Variants in SLC25A47 observed in about 807,000 individuals in gnomAD.
SLC25A47 encodes solute carrier family 25 member 47.
SLC25A47 carries 30 observed loss-of-function variants against 29.8 expected under a neutral mutation model. That is an observed-to-expected ratio of 1.01 (90% CI 0.75 to 1.36). The LOEUF is 1.36. SLC25A47 is among the 40% of genes most tolerant of loss of function. The pLI is 0.00. For synonymous variants in SLC25A47, 204 were observed against 197.8 expected (o/e 1.03, Z -0.26); for missense variants, 430 against 441.9 (o/e 0.97, Z 0.24).
rs1951519 is a variant in SLC25A47 at position 100,326,145 on chromosome 14, C to G, written c.73-12C>G. 12 of 1,611,198 alleles carry G rather than the reference C, an allele frequency of 7.4e-6. No individual in the cohort carries two copies. Among genetic ancestry groups the G allele is most frequent in the East Asian group, 6.7e-5 (3 of 44,820 alleles). On this transcript the variant is annotated splice_polypyrimidine_tract_variant and intron_variant, in intron 2 of 5. Coordinates refer to ENST00000361529, the MANE Select transcript of SLC25A47 (RefSeq NM_207117.4). ...TGGAGCCGCTCGTGCCTGAAGCCCA[C>G]TTCTCCTGCAGGTCAGGATCCAGAC...
Position 100,325,849 on chromosome 14 carries a change from C to A in SLC25A47, c.72+18C>A, listed in dbSNP as rs1164030789. 2 of 1,609,396 alleles carry A rather than the reference C, an allele frequency of 1.2e-6. No homozygotes were observed. Among genetic ancestry groups the A allele is most frequent in the South Asian group, 1.1e-5 (1 of 90,012 alleles). On this transcript the variant is annotated intron_variant, in intron 2 of 5. Transcript: ENST00000361529. ...CGGTGAAGGTGCGGCAATAGCCAGC[C>A]CCCCAACCATCCTAAGGCCCCTGCA...
At chr14:100,327,120 G>T in intron 3 of SLC25A47, 68 bp from the exon 4 acceptor site, 1 of 1,477,762 alleles carries the variant, frequency 6.8e-7, no homozygotes, top group Non-Finnish European at 9.1e-7. Context: ...GCAGGGCTGA[G>T]TGTGGGCTCC....
At position 100,327,333 on chromosome 14, in the gene SLC25A47, A is replaced by T. The variant is rs1893359642; in HGVS notation, c.290A>T (p.Asp97Val). The T allele has an allele frequency of 6.2e-7, 1 of 1,601,600 alleles. No homozygotes were observed. The highest frequency in any genetic ancestry group is 8.5e-7 in the Non-Finnish European group (1 of 1,179,650). Residue 97 changes from aspartate (D) to valine (V), a missense_variant, in exon 4 of 6, where the codon GAC (aspartate) becomes GTC (valine). By Grantham distance (152) the Asp-to-Val change is radical. Transcript: ENST00000361529. ...CCTGACGCCAAGCCCACCAAGGCCGACATCACGCTCTCGGGATGCGCCTCC... is the reference window on the plus strand; with the variant it reads ...CCTGACGCCAAGCCCACCAAGGCCGTCATCACGCTCTCGGGATGCGCCTCC... ...GNPDAKPTKA[D>V]ITLSGCASGL...
intron 3 of SLC25A47, 76 bp from the exon 4 acceptor site, chr14:100,327,112 A>G: frequency 7.1e-7 from 1 of 1,416,630 alleles, no homozygotes; most frequent in Non-Finnish European, 9.5e-7. Context: ...AGTGCGGAGC[A>G]GGGCTGAGTG....
At position 100,330,319 on chromosome 14, in the gene SLC25A47, T is replaced by TAA. The variant is rs907310778; in HGVS notation, c.*676_*677dup. ...GCCTGTGGACGCTGCACCTGCCACT[T>TAA]AAAGACCCCAAAGACTCTGTTGGGA... is the stretch of plus-strand genomic sequence containing the variant. On this transcript the variant is annotated 3_prime_UTR_variant, in exon 6 of 6. Coordinates refer to ENST00000361529, the MANE Select transcript of SLC25A47 (RefSeq NM_207117.4). 6.5e-6 allele frequency: 1 copy of TAA among 153,284 alleles called. No individual in the cohort carries two copies. The highest frequency in any genetic ancestry group is 1.5e-5 in the Non-Finnish European group (1 of 68,848). The allele number at this position is 153,284 out of a possible 1,614,324, so 9.5% of individuals were successfully genotyped here. A position where few individuals can be genotyped will look rare whatever the true frequency, so the allele number is the denominator to read the frequency against.
At chr14:100,326,791 T>C (rs1376347483) in intron 3 of SLC25A47, among the ~76,000 whole-genome samples, 2 of 152,172 alleles carry the variant, frequency 1.3e-5, no homozygotes, top group Non-Finnish European at 2.9e-5. Context: ...CTTGCCAACA[T>C]GGTGAAACCC....
Position 100,327,347 on chromosome 14 carries a change from G to C in SLC25A47, c.304G>C (p.Gly102Arg). Residue 102 changes from glycine to arginine, a missense_variant, in exon 4 of 6, where the codon GGA becomes CGA. Coordinates refer to ENST00000361529, the MANE Select transcript of SLC25A47 (RefSeq NM_207117.4). Reference protein sequence around the residue: ...KPTKADITLSGCASGLVRVFL... With the variant: ...KPTKADITLSRCASGLVRVFL... ...CACCAAGGCCGACATCACGCTCTCG[G>C]GATGCGCCTCCGGCCTCGTCCGCGT... 1 of 1,599,774 alleles carries C rather than the reference G, an allele frequency of 6.3e-7. No homozygotes were observed. The highest frequency in any genetic ancestry group is 8.5e-7 in the Non-Finnish European group (1 of 1,179,150).
At chr14:100,324,874 T>C (rs1595388196) in intron 1 of SLC25A47, among the ~76,000 whole-genome samples, 1 of 152,128 alleles carries the variant, frequency 6.6e-6, no homozygotes, top group Admixed American at 6.5e-5. Context: ...GAGGAGGTAG[T>C]GTCGTGGCAG....
chr14:100,326,316 C>A, intron 3 of SLC25A47, 88 bp downstream of exon 3: 1 of 1,218,826 alleles, frequency 8.2e-7, no homozygotes. Context: ...CCAGGCTCCC[C>A]GCTGGGTCTC....
In SLC25A47 at chr14:100,325,817, C is replaced by G. The variant is rs777931162; in HGVS notation, c.58C>G (p.Leu20Val). Residue 20 changes from leucine (L) to valine (V), a missense_variant, in exon 2 of 6, where the codon CTG becomes GTG. By Grantham distance (32) the Leu-to-Val change is conservative (BLOSUM62 1). Transcript: ENST00000361529. ...CTGCGGTGTTGCTGTGGGCTACCCC[C>G]TGGACACGGTGAAGGTGCGGCAATA... The part of the protein sequence containing the change: ...GVCGVAVGYP[L>V]DTVKVRIQTE... 1.1e-5 allele frequency: 17 copies of G among 1,612,694 alleles called. No homozygotes were observed. The highest frequency in any genetic ancestry group is 1.4e-5 in the Non-Finnish European group (16 of 1,179,320).
intron 1 of SLC25A47, among the ~76,000 whole-genome samples, chr14:100,324,133 G>A (rs1344530131): frequency 2.6e-5 from 4 of 152,144 alleles, no homozygotes; most frequent in South Asian, 2.1e-4. Flanking sequence ...GGTGGGTGGC[G>A]TCAGTACTTC....
At position 100,329,423 on chromosome 14, in the gene SLC25A47, C is replaced by A; in HGVS notation, c.705C>A (p.Ala235=). 6.2e-7 allele frequency: 1 copy of A among 1,613,108 alleles called. No individual in the cohort carries two copies. The highest frequency in any genetic ancestry group is 1.6e-4 in the Middle Eastern group (1 of 6,062). ...CAGGAGTCCTGGCCTGGGCTGTGGC[C>A]ACCCCCATGGACGTGATCAAGTCGA... ...GCAGVLAWAV[A]TPMDVIKSRL... Residue 235 remains alanine (A), a synonymous_variant, in exon 6 of 6, where the codon GCC becomes GCA. Coordinates refer to ENST00000361529, the MANE Select transcript of SLC25A47 (RefSeq NM_207117.4).
rs370957120 is a variant in SLC25A47 at position 100,325,737 on chromosome 14, A to G, written c.29-51A>G. The G allele has an allele frequency of 9.4e-5, 149 of 1,589,112 alleles. No homozygotes were observed. The East Asian group carries it at 2.3e-3, about 25-fold the overall frequency. On this transcript the variant is annotated intron_variant, in intron 1 of 5. Coordinates refer to ENST00000361529, the MANE Select transcript of SLC25A47 (RefSeq NM_207117.4). The stretch of plus-strand genomic sequence containing the variant: ...TTCTGCTTCCCTGCAATGGGGTTGA[A>G]CTGCTCGCCGGCCCCACTCTCCTCA...
rs1383917541 is a variant in SLC25A47, at chr14:100,325,799, G to A, written c.40G>A (p.Val14Ile). Residue 14 changes from valine (V) to isoleucine (I), a missense_variant, in exon 2 of 6, where the codon GTT becomes ATT. Physicochemically the swap from Val to Ile is conservative, Grantham distance 29. Transcript: ENST00000361529. ...TTCTTTCCTTGCAGGCGTCTGCGGT[G>A]TTGCTGTGGGCTACCCCCTGGACAC... ...VAGAIGGVCGVAVGYPLDTVK... is the reference protein window; with the variant it reads ...VAGAIGGVCGIAVGYPLDTVK... 1.2e-6 allele frequency: 2 copies of A among 1,612,898 alleles called. No individual in the cohort carries two copies. The highest frequency in any genetic ancestry group is 1.1e-5 in the South Asian group (1 of 90,718).
chr14:100,323,553 ACCC>A (rs1893285728), intron 1 of SLC25A47, 111 bp downstream of exon 1: 1 of 1,286,952 alleles, frequency 7.8e-7, no homozygotes, highest in Non-Finnish European at 1.1e-6. Context: ...GGAGCCCCTC[ACCC>A]CCCAGGATCT....
At chr14:100,325,945 A>G (rs776689453) in intron 2 of SLC25A47, 114 bp downstream of exon 2, 7 of 1,196,874 alleles carry the variant, frequency 5.8e-6, no homozygotes, top group Admixed American at 2.3e-5. Flanking sequence ...AATGCCTTCA[A>G]TGGCTCCCCA....
Position 100,328,948 on chromosome 14 carries a change from G to T in SLC25A47, c.550G>T (p.Ala184Ser), listed in dbSNP as rs1224810182. The part of the protein sequence containing the change: ...GLCGLYKGSS[A>S]LVLRDGHSFA... ...GTGCGGCCTCTACAAGGGCAGCTCG[G>T]CCCTGGTCTTACGGGACGGCCACTC... The change falls in exon 5 of 6, where the codon GCC becomes TCC. Residue 184 changes from alanine (A) to serine (S), a missense_variant. Physicochemically the swap from Ala to Ser is moderately conservative, Grantham distance 99. Coordinates refer to ENST00000361529, the MANE Select transcript of SLC25A47 (RefSeq NM_207117.4). The T allele has an allele frequency of 6.2e-6, 10 of 1,605,160 alleles. No individual in the cohort carries two copies. Among genetic ancestry groups the T allele is most frequent in the African/African-American group, 1.3e-5 (1 of 75,064 alleles).
At position 100,328,722 on chromosome 14, in the gene SLC25A47, C is replaced by T. The variant is rs1276482484; in HGVS notation, c.328-4C>T. ...GCTGACCCCTGCTTCCTTCTCTGCT[C>T]CAGGTGTTCCTGACGTCGCCCACTG... On this transcript the variant is annotated splice_polypyrimidine_tract_variant and splice_region_variant and intron_variant, in intron 4 of 5. Transcript: ENST00000361529. 6.2e-7 allele frequency: 1 copy of T among 1,612,940 alleles called. No homozygotes were observed. Among genetic ancestry groups the T allele is most frequent in the Non-Finnish European group, 8.5e-7 (1 of 1,179,892 alleles).
At chr14:100,325,078 C>G (rs1222488710) in intron 1 of SLC25A47, among the ~76,000 whole-genome samples, 3 of 152,214 alleles carry the variant, frequency 2.0e-5, no homozygotes, top group African/African-American at 7.2e-5. Flanking sequence ...CTTCCATTGG[C>G]CTTTACCACC....
Sources: gnomAD v4.1 joint callset for allele counts (sites outside exome capture counted in the v4.1 genomes callset) on GRCh38, gnomAD v4.1.1 for gene constraint, MANE v1.5 for transcripts, NCBI Gene and HGNC (gene_info 2026-07-23, HGNC 2026-07-21) for gene names.